COL5A1: variants seen among roughly 807,000 people sequenced by gnomAD.
The protein encoded by COL5A1 is collagen alpha-1(V) chain.
Under a neutral mutation model 263.7 loss-of-function variants are expected in COL5A1, and 16 were observed. The observed-to-expected ratio is 0.06, with a 90% CI of 0.04 to 0.09. The LOEUF (loss-of-function observed/expected upper bound fraction) is 0.09, where lower values mean the gene tolerates loss of function less well. Ranked by LOEUF, COL5A1 falls within the 10% of genes least tolerant of loss-of-function variation. The pLI is 1.00. For synonymous variants in COL5A1, 1,012 were observed against 1,004.5 expected (o/e 1.01, Z -0.14); for missense variants, 2,036 against 2,540.5 (o/e 0.80, Z 4.27).
rs184009078 is a variant in COL5A1 at position 134,746,671 on chromosome 9, A to G, written c.1495-3871A>G. 4.6e-5 allele frequency among the ~76,000 whole-genome samples: 7 copies of G among 152,376 alleles called. No individual in the cohort carries two copies. In the East Asian group the frequency reaches 1.2e-3, roughly 25 times the overall value. ...TTTCTTCACCTGGTATAGGTATGACACTGAGAGCCCTCCTGTGCCAGGGCC... is the reference window on the plus strand; with the variant it reads ...TTTCTTCACCTGGTATAGGTATGACGCTGAGAGCCCTCCTGTGCCAGGGCC... On this transcript the variant is annotated intron_variant, in intron 11 of 65. Transcript: ENST00000371817.
chr9:134,817,732 C>T lies in COL5A1; in HGVS notation c.4177-46C>T, dbSNP rs201057288. 2.0e-3 allele frequency: 3,172 copies of T among 1,586,220 alleles called. 6 individuals are homozygous for T. The highest frequency in any genetic ancestry group is 2.5e-3 in the Non-Finnish European group (2,866 of 1,158,758). ...CCTGCACCCGAGCTCGTCCCTCCAC[C>T]CCTGCAGGCCACACTCACCACCTGC... On this transcript the variant is annotated intron_variant, in intron 53 of 65. Coordinates refer to ENST00000371817, the MANE Select transcript of COL5A1 (RefSeq NM_000093.5).
chr9:134,812,235 G>A (rs774029922), intron 46 of COL5A1, among the ~76,000 whole-genome samples: 6 of 152,174 alleles, frequency 3.9e-5, no homozygotes, highest in Admixed American at 6.5e-5. Context: ...CACCTTTGTC[G>A]TAAATCTTTG....
chr9:134,823,060 C>T (rs755246997), intron 60 of COL5A1, 27 bp downstream of exon 60: 1 of 1,613,510 alleles, frequency 6.2e-7, no homozygotes, highest in South Asian at 1.1e-5. Flanking sequence ...CCAGCCAGGC[C>T]AATGCCTGGA....
intron 64 of COL5A1, among the ~76,000 whole-genome samples, chr9:134,831,364 G>A (rs758827382): frequency 2.0e-5 from 3 of 152,194 alleles, no homozygotes; most frequent in Non-Finnish European, 2.9e-5. Context: ...GAGGCTTCCC[G>A]TTTTGTGGTT....
At position 134,680,406 on chromosome 9, in the gene COL5A1, G is replaced by T. The variant is rs151045362; in HGVS notation, c.110-10506G>T. Among the ~76,000 whole-genome samples, 1,102 of 152,316 alleles carry T rather than the reference G, an allele frequency of 7.2e-3. 15 individuals are homozygous for T. Among genetic ancestry groups the T allele is most frequent in the African/African-American group, 0.025 (1,032 of 41,558 alleles). On this transcript the variant is annotated intron_variant, in intron 1 of 65. Transcript: ENST00000371817. This position sits in a 1 kb window ranked among gnomAD's most constrained non-coding sequence, Gnocchi z 5.9. ...TTTTTACAAAGGTTGGTGGCATGGAGGGGTGGGGACAGCAGGCCCCTTCCA... is the reference window on the plus strand; with the variant it reads ...TTTTTACAAAGGTTGGTGGCATGGATGGGTGGGGACAGCAGGCCCCTTCCA...
At chr9:134,819,977 C>T (rs1838928137) in intron 57 of COL5A1, 139 bp from the exon 58 acceptor site, 2 of 760,590 alleles carry the variant, frequency 2.6e-6, no homozygotes, top group Non-Finnish European at 4.8e-6. Context: ...TCTGTTGAGC[C>T]TGTTCCCCTT....
intron 11 of COL5A1, among the ~76,000 whole-genome samples, chr9:134,744,304 C>T (rs1449059918): frequency 6.6e-6 from 1 of 152,102 alleles, no homozygotes; most frequent in Non-Finnish European, 1.5e-5. Flanking sequence ...CCCACACATG[C>T]ACTCACATTC....
chr9:134,645,540 G>T (rs988219586), intron 1 of COL5A1, among the ~76,000 whole-genome samples: 11 of 152,252 alleles, frequency 7.2e-5, no homozygotes, highest in Non-Finnish European at 1.6e-4. Context: ...ACGTGACGTG[G>T]CTCTGGGAAT....
In COL5A1 at chr9:134,681,173, TG is replaced by T. The variant is rs71505311; in HGVS notation, c.110-9732del. Among the ~76,000 whole-genome samples the T allele has an allele frequency of 2.0e-4, 30 of 151,798 alleles. No individual in the cohort carries two copies. Among genetic ancestry groups the T allele is most frequent in the Non-Finnish European group, 4.0e-4 (27 of 67,906 alleles). On this transcript the variant is annotated intron_variant, in intron 1 of 65. Transcript: ENST00000371817. This position sits in a 1 kb window ranked among gnomAD's most constrained non-coding sequence, Gnocchi z 4.3. ...GCCTGCCTTGCAGGGAGGGCTGGGGTGGGGGGGCCTCAGCCCTGGGCCAGAC... is the reference window on the plus strand; with the variant it reads ...GCCTGCCTTGCAGGGAGGGCTGGGGTGGGGGGCCTCAGCCCTGGGCCAGAC...
intron 9 of COL5A1, among the ~76,000 whole-genome samples, chr9:134,733,923 G>A (rs951539130): frequency 2.0e-5 from 3 of 152,222 alleles, no homozygotes; most frequent in Non-Finnish European, 4.4e-5. Context: ...GTGAAAGGGG[G>A]TCCTTGCTCG....
At chr9:134,774,744 G>C (rs1036997097) in intron 26 of COL5A1, 115 bp from the exon 27 acceptor site, 1 of 1,085,328 alleles carries the variant, frequency 9.2e-7, no homozygotes, top group Non-Finnish European at 1.4e-6. Flanking sequence ...CTCTGAGCTG[G>C]GATGTTCGCC....
At chr9:134,774,725 C>G (rs1049540434) in intron 26 of COL5A1, 134 bp from the exon 27 acceptor site, 1 of 900,734 alleles carries the variant, frequency 1.1e-6, no homozygotes, top group Admixed American at 2.0e-5. Context: ...CGGGGGGCCT[C>G]TCTGGAGGCT....
intron 16 of COL5A1, among the ~76,000 whole-genome samples, chr9:134,756,147 C>G (rs11103503): frequency 0.19 from 29,294 of 152,088 alleles, 3,120 homozygotes; most frequent in East Asian, 0.34. Context: ...GTCCCCTCTT[C>G]AGCCCCATGG....
intron 4 of COL5A1, among the ~76,000 whole-genome samples, chr9:134,710,663 C>G (rs1834003882): frequency 7.5e-6 from 1 of 133,526 alleles, no homozygotes; most frequent in Non-Finnish European, 1.6e-5. Context: ...GGAGGAGCCC[C>G]CGTCTGTTGG....
chr9:134,830,089 C>T lies in COL5A1; in HGVS notation c.5136+45C>T, dbSNP rs562025958. ...CTTTGCGGTTGTCACTTTAAACCCG[C>T]CCATCTCGTATCTTACAGAGTAAAA... On this transcript the variant is annotated intron_variant, in intron 64 of 65. Transcript: ENST00000371817. 1.4e-4 allele frequency: 220 copies of T among 1,613,454 alleles called. 2 individuals carry two copies. The South Asian group carries it at 2.3e-3, about 17-fold the overall frequency.
intron 48 of COL5A1, 45 bp downstream of exon 48, chr9:134,812,757 G>GTA: frequency 7.8e-7 from 1 of 1,284,814 alleles, no homozygotes; most frequent in South Asian, 1.3e-5. Flanking sequence ...GGTTGTTTGA[G>GTA]GAGTGTGTGT....
At chr9:134,780,724 C>CT (rs1205383100) in intron 28 of COL5A1, among the ~76,000 whole-genome samples, 1 of 152,218 alleles carries the variant, frequency 6.6e-6, no homozygotes, top group Admixed American at 6.5e-5. Context: ...GAGTCAGAAG[C>CT]TTGGGTGCAG....
chr9:134,841,891 C>T lies in COL5A1; in HGVS notation c.5371-266C>T, dbSNP rs1830112916. ...TGTGTGCCTCAGCCACCCCTGAAGC[C>T]TTGGGAGGGTCCTGTCGCCTCGCTG... On this transcript the variant is annotated intron_variant, in intron 65 of 65. Coordinates refer to ENST00000371817, the MANE Select transcript of COL5A1 (RefSeq NM_000093.5). The surrounding 1 kb of genome is among the most constrained non-coding windows in gnomAD (Gnocchi z 4.8). Among the ~76,000 whole-genome samples the T allele has an allele frequency of 6.6e-6, 1 of 152,118 alleles. No individual in the cohort carries two copies. The highest frequency in any genetic ancestry group is 2.4e-5 in the African/African-American group (1 of 41,414).
intron 1 of COL5A1, among the ~76,000 whole-genome samples, chr9:134,669,202 TC>T (rs1832452412): frequency 7.2e-5 from 10 of 137,936 alleles, no homozygotes; most frequent in African/African-American, 2.4e-4. Context: ...CCTTTCCCTT[TC>T]CCTTTCCTTT....
Sources: allele counts gnomAD v4.1 joint callset (sites outside exome capture counted in the v4.1 genomes callset), GRCh38; gene constraint gnomAD v4.1.1; non-coding constraint Gnocchi (gnomAD v3.1); transcripts MANE v1.5; gene names NCBI Gene and HGNC (gene_info 2026-07-23, HGNC 2026-07-21).